The following SLC4A4 variants were observed in gnomAD, a reference collection of about 807,000 sequenced individuals.
SLC4A4 encodes electrogenic sodium bicarbonate cotransporter 1.
In SLC4A4, 27 loss-of-function variants were observed where a neutral mutation model predicts 111.5. The ratio of observed to expected loss-of-function variants is 0.24; its 90% CI spans 0.18 to 0.33. The LOEUF is 0.33. SLC4A4 is among the 10% of genes least tolerant of loss of function. The pLI is 1.00. For synonymous variants in SLC4A4, 443 were observed against 463.4 expected, an observed-to-expected ratio of 0.96 and a Z score of 0.57; for missense variants, 909 against 1,315.5, an observed-to-expected ratio of 0.69 and a Z score of 4.78.
intron 7 of SLC4A4, among the ~76,000 whole-genome samples, chr4:71,425,847 A>C (rs1437024847): frequency 1.3e-5 from 2 of 152,068 alleles, no homozygotes; most frequent in African/African-American, 4.8e-5. Flanking sequence ...GTTTCTTCTT[A>C]TGCAGATAAA....
At chr4:71,524,192 C>G (rs1463668480) in intron 16 of SLC4A4, among the ~76,000 whole-genome samples, 1 of 152,088 alleles carries the variant, frequency 6.6e-6, no homozygotes, top group African/African-American at 2.4e-5. Flanking sequence ...TCTGTATTCC[C>G]AAATCCTCCG....
chr4:71,491,027 A>G (rs1729852392), intron 15 of SLC4A4, among the ~76,000 whole-genome samples: 1 of 97,618 alleles, frequency 1.0e-5, no homozygotes, highest in Non-Finnish European at 3.2e-5. Context: ...GTTTTTTAAA[A>G]CTATGATTTT....
At chr4:71,140,594 C>G (rs1743968960) in intron 2 of SLC4A4, among the ~76,000 whole-genome samples, 2 of 152,186 alleles carry the variant, frequency 1.3e-5, no homozygotes, top group African/African-American at 4.8e-5. Context: ...GCTGCTCTGC[C>G]CCAACCCCAC....
At chr4:71,254,698 G>C (rs1721313000) in intron 2 of SLC4A4, among the ~76,000 whole-genome samples, 1 of 151,060 alleles carries the variant, frequency 6.6e-6, no homozygotes, top group Admixed American at 6.6e-5. Context: ...CCAGCAAAAT[G>C]ACTTTTTGAA....
chr4:71,495,363 A>G (rs1200970668), intron 15 of SLC4A4, among the ~76,000 whole-genome samples: 1 of 152,104 alleles, frequency 6.6e-6, no homozygotes, highest in East Asian at 1.9e-4. Context: ...GCTGATTTTA[A>G]AACAAAGAAA....
chr4:71,433,818 C>A (rs1002281997), intron 7 of SLC4A4, among the ~76,000 whole-genome samples: 13 of 151,954 alleles, frequency 8.6e-5, no homozygotes, highest in Non-Finnish European at 1.8e-4. Context: ...GTGTTCATTC[C>A]AACACTGCAG....
intron 2 of SLC4A4, among the ~76,000 whole-genome samples, chr4:71,110,489 A>C (rs978834726): frequency 6.6e-6 from 1 of 152,218 alleles, no homozygotes; most frequent in Non-Finnish European, 1.5e-5. Context: ...TACAGATGTG[A>C]GCCACTGTAC....
chr4:71,485,094 T>G (rs1303644437), intron 14 of SLC4A4, among the ~76,000 whole-genome samples: 1 of 151,848 alleles, frequency 6.6e-6, no homozygotes, highest in Non-Finnish European at 1.5e-5. Flanking sequence ...ACAGGGATAG[T>G]TTGACTTCCT....
At chr4:71,119,582 T>A (rs1743361091) in intron 2 of SLC4A4, among the ~76,000 whole-genome samples, 1 of 152,152 alleles carries the variant, frequency 6.6e-6, no homozygotes, top group South Asian at 2.1e-4. Flanking sequence ...AGACATAGGA[T>A]CTTGCTATGT....
intron 4 of SLC4A4, among the ~76,000 whole-genome samples, chr4:71,342,125 G>A (rs922898744): frequency 6.6e-6 from 1 of 152,066 alleles, no homozygotes; most frequent in African/African-American, 2.4e-5. Flanking sequence ...CTCCTCATCT[G>A]TAATACTTTC....
intron 11 of SLC4A4, among the ~76,000 whole-genome samples, chr4:71,452,052 T>C (rs1029209501): frequency 7.2e-5 from 11 of 151,872 alleles, no homozygotes; most frequent in African/African-American, 2.7e-4. Context: ...AAATTTTAAG[T>C]GGGATACTTA....
intron 15 of SLC4A4, among the ~76,000 whole-genome samples, chr4:71,488,198 A>G (rs1227881771): frequency 6.7e-6 from 1 of 150,076 alleles, no homozygotes; most frequent in Non-Finnish European, 1.5e-5. Context: ...AACATAAGTT[A>G]ATTTGTAATA....
At chr4:71,150,294 C>G (rs1462631113) in intron 2 of SLC4A4, among the ~76,000 whole-genome samples, 1 of 152,010 alleles carries the variant, frequency 6.6e-6, no homozygotes, top group Non-Finnish European at 1.5e-5. Context: ...GAAATAGCAA[C>G]TGGGTTCTGG....
At chr4:71,192,547 T>C (rs1745777798) in intron 1 of SLC4A4, among the ~76,000 whole-genome samples, 1 of 152,070 alleles carries the variant, frequency 6.6e-6, no homozygotes, top group African/African-American at 2.4e-5. Flanking sequence ...AAGGAAGAGG[T>C]AGACAGAAGT....
At chr4:71,182,298 G>A (rs1745318940), upstream of SLC4A4, among the ~76,000 whole-genome samples, 1 of 152,164 alleles carries the variant, frequency 6.6e-6, no homozygotes, top group Admixed American at 6.5e-5. Context: ...CCTAAGCAGA[G>A]GGGAAAAAGG....
chr4:71,203,972 C>G (rs1432466829), intron 1 of SLC4A4, among the ~76,000 whole-genome samples: 1 of 152,040 alleles, frequency 6.6e-6, no homozygotes. Context: ...ACCTAATAAG[C>G]GAAACACTGT....
chr4:71,350,405 T>A (rs1009342119), intron 5 of SLC4A4, among the ~76,000 whole-genome samples: 3 of 151,914 alleles, frequency 2.0e-5, no homozygotes, highest in African/African-American at 7.3e-5. Context: ...TGAGACAGAG[T>A]CTCACTCTGT....
At chr4:71,483,022 G>A (rs28515485) in intron 14 of SLC4A4, among the ~76,000 whole-genome samples, 86,289 of 151,418 alleles carry the variant, frequency 0.57, 27,362 homozygotes, top group Non-Finnish European at 0.73. Context: ...AAGAAATACA[G>A]TGTAAGAAAA....
At chr4:71,519,836 G>T (rs1300551021) in intron 16 of SLC4A4, among the ~76,000 whole-genome samples, 1 of 151,986 alleles carries the variant, frequency 6.6e-6, no homozygotes, top group Non-Finnish European at 1.5e-5. Flanking sequence ...TTTTAGTAGA[G>T]ACTGGGTTTC....
Sources: gnomAD v4.1 joint callset for allele counts (sites outside exome capture counted in the v4.1 genomes callset) on GRCh38, gnomAD v4.1.1 for gene constraint, MANE v1.5 for transcripts, NCBI Gene and HGNC (gene_info 2026-07-23, HGNC 2026-07-21) for gene names.